ADGRB3: variants seen among roughly 807,000 people sequenced by gnomAD.
The protein encoded by ADGRB3 is brain-specific angiogenesis inhibitor 3.
In ADGRB3, 37 loss-of-function variants were observed where a neutral mutation model predicts 193.4. The observed-to-expected ratio is 0.19, with a 90% CI of 0.15 to 0.25. The LOEUF is 0.25. ADGRB3 is among the 10% of genes least tolerant of loss of function. The pLI is 1.00. For missense variants in ADGRB3, 1,637 were observed against 1,852.9 expected (o/e 0.88, Z 2.14); for synonymous variants, 690 against 644.2 (o/e 1.07, Z -1.08).
chr6:69,067,454 T>C (rs1015929584), intron 16 of ADGRB3, among the ~76,000 whole-genome samples: 7 of 152,148 alleles, frequency 4.6e-5, no homozygotes, highest in Non-Finnish European at 1.0e-4. Context: ...ATATGCTTGT[T>C]ATCATTAGAT....
Position 69,258,325 on chromosome 6 carries a change from T to C in ADGRB3, c.2814+19099T>C, listed in dbSNP as rs563905515. Reference sequence around the variant, plus strand: ...ATTATTTCTGTTTTGTTTTTGGAACTTGGAAAGGACACAAATAATGTGTAA... The same window carrying C: ...ATTATTTCTGTTTTGTTTTTGGAACCTGGAAAGGACACAAATAATGTGTAA... On this transcript the variant is annotated intron_variant, in intron 20 of 31. Coordinates refer to ENST00000370598, the MANE Select transcript of ADGRB3 (RefSeq NM_001704.3). Among the ~76,000 whole-genome samples, 237 of 152,326 alleles carry C rather than the reference T, an allele frequency of 1.6e-3. 3 individuals are homozygous for C. Among genetic ancestry groups the C allele is most frequent in the African/African-American group, 5.3e-3 (219 of 41,568 alleles).
In ADGRB3 at chr6:69,314,003, G is replaced by A. The variant is rs1019876491; in HGVS notation, c.2815-10869G>A. Among the ~76,000 whole-genome samples the A allele has an allele frequency of 4.6e-5, 7 of 151,710 alleles. No homozygotes were observed. In the South Asian group the frequency reaches 1.0e-3, roughly 23 times the overall value. On this transcript the variant is annotated intron_variant, in intron 20 of 31. Coordinates refer to ENST00000370598, the MANE Select transcript of ADGRB3 (RefSeq NM_001704.3). Reference sequence around the variant, plus strand: ...TTTCTAAATTATTAGTAAAGCTTTCGTTGAATTCTTGGCCTTATTTAACAA... The same window carrying A: ...TTTCTAAATTATTAGTAAAGCTTTCATTGAATTCTTGGCCTTATTTAACAA...
chr6:69,043,563 T>C (rs1771150536), intron 13 of ADGRB3, among the ~76,000 whole-genome samples: 1 of 152,190 alleles, frequency 6.6e-6, no homozygotes, highest in African/African-American at 2.4e-5. Context: ...GTGGACATAC[T>C]GTGGGGTAGT....
chr6:69,137,775 C>T (rs1463657767), intron 17 of ADGRB3, among the ~76,000 whole-genome samples: 3 of 152,082 alleles, frequency 2.0e-5, no homozygotes, highest in South Asian at 2.1e-4. Context: ...CCAGCCTGGG[C>T]GACAGAGCAA....
At chr6:68,772,150 G>A (rs910960525) in intron 3 of ADGRB3, among the ~76,000 whole-genome samples, 6 of 152,000 alleles carry the variant, frequency 3.9e-5, no homozygotes, top group African/African-American at 1.4e-4. Context: ...AGAGTAGTGA[G>A]ATTGAAATGG....
intron 17 of ADGRB3, among the ~76,000 whole-genome samples, chr6:69,173,655 T>C (rs1775348093): frequency 6.6e-6 from 1 of 152,144 alleles, no homozygotes; most frequent in South Asian, 2.1e-4. Context: ...GCATTGTTTT[T>C]TTTTTTTATC....
intron 3 of ADGRB3, among the ~76,000 whole-genome samples, chr6:68,843,652 A>G (rs188428606): frequency 7.3e-5 from 10 of 137,122 alleles, no homozygotes; most frequent in Admixed American, 7.6e-5. Context: ...GACAATATTC[A>G]TAGAAATAGA....
chr6:68,886,961 G>T (rs1296752983), intron 3 of ADGRB3, among the ~76,000 whole-genome samples: 1 of 151,338 alleles, frequency 6.6e-6, no homozygotes, highest in African/African-American at 2.4e-5. Context: ...TTGTAAGTCT[G>T]GGTGGTTTGC....
intron 3 of ADGRB3, among the ~76,000 whole-genome samples, chr6:68,914,555 G>A (rs1766822153): frequency 6.6e-6 from 1 of 152,144 alleles, no homozygotes; most frequent in African/African-American, 2.4e-5. Context: ...ACTAAACATG[G>A]AAAGGAACAA....
At chr6:68,689,859 A>G (rs978973683) in intron 3 of ADGRB3, among the ~76,000 whole-genome samples, 3 of 152,152 alleles carry the variant, frequency 2.0e-5, no homozygotes, top group Non-Finnish European at 4.4e-5. Context: ...CTGAAACAAA[A>G]GTTCAGAACA....
intron 17 of ADGRB3, among the ~76,000 whole-genome samples, chr6:69,103,967 T>A (rs1281615361): frequency 6.6e-6 from 1 of 152,130 alleles, no homozygotes; most frequent in African/African-American, 2.4e-5. Context: ...TGTTAGGCAC[T>A]GAATAATCAT....
intron 17 of ADGRB3, among the ~76,000 whole-genome samples, chr6:69,208,660 A>G (rs1765589770): frequency 6.6e-6 from 1 of 152,286 alleles, no homozygotes; most frequent in Non-Finnish European, 1.5e-5. Context: ...TCAACTGATC[A>G]TAGGGAACTC....
intron 3 of ADGRB3, among the ~76,000 whole-genome samples, chr6:68,804,939 T>C (rs1399032638): frequency 6.6e-6 from 1 of 152,058 alleles, no homozygotes; most frequent in Non-Finnish European, 1.5e-5. Flanking sequence ...TTTATTTATT[T>C]ATTTTTTTGA....
chr6:69,237,868 G>T (rs1766302180), intron 19 of ADGRB3, among the ~76,000 whole-genome samples: 2 of 152,072 alleles, frequency 1.3e-5, no homozygotes, highest in South Asian at 4.1e-4. Context: ...TTATTATATT[G>T]TTTGCCACTG....
chr6:68,819,276 T>C (rs1217071769), intron 3 of ADGRB3, among the ~76,000 whole-genome samples: 1 of 152,000 alleles, frequency 6.6e-6, no homozygotes, highest in Admixed American at 6.6e-5. Context: ...ACCATCTGAC[T>C]GCCTGACCAT....
chr6:68,939,259 G>A (rs1398110330), intron 5 of ADGRB3, among the ~76,000 whole-genome samples: 3 of 151,938 alleles, frequency 2.0e-5, no homozygotes, highest in Admixed American at 2.0e-4. Flanking sequence ...GCAATTTTTT[G>A]AATTTGAAAA....
At chr6:68,759,021 G>A (rs541717103) in intron 3 of ADGRB3, among the ~76,000 whole-genome samples, 7 of 152,112 alleles carry the variant, frequency 4.6e-5, no homozygotes, top group African/African-American at 1.7e-4. Context: ...GAAATGGTAG[G>A]CCATGAACTC....
At chr6:68,841,090 C>A (rs1768150636) in intron 3 of ADGRB3, among the ~76,000 whole-genome samples, 3 of 150,332 alleles carry the variant, frequency 2.0e-5, no homozygotes, top group African/African-American at 7.3e-5. Flanking sequence ...CTGAAGCACC[C>A]CAATATAGAA....
intron 3 of ADGRB3, among the ~76,000 whole-genome samples, chr6:68,742,822 A>T (rs1026018299): frequency 9.2e-5 from 14 of 152,128 alleles, no homozygotes; most frequent in Non-Finnish European, 8.8e-5. Context: ...TGGTGTGAAC[A>T]TTAAAACATC....
Sources: gnomAD v4.1 joint callset for allele counts (sites outside exome capture counted in the v4.1 genomes callset) on GRCh38, gnomAD v4.1.1 for gene constraint, MANE v1.5 for transcripts, NCBI Gene and HGNC (gene_info 2026-07-23, HGNC 2026-07-21) for gene names.